Variants in XPO6 observed in about 807,000 individuals in gnomAD.
XPO6 encodes the protein exportin 6.
In XPO6, 3 loss-of-function variants were observed where a neutral mutation model predicts 130.0. That is an observed-to-expected ratio of 0.02 (90% CI 0.01 to 0.06). The LOEUF is 0.06. Among genes scored for constraint, XPO6 ranks in the 10% least tolerant of loss-of-function variants. The pLI, the probability that XPO6 is intolerant of heterozygous loss-of-function variation, is 1.00. For missense variants in XPO6, 970 were observed against 1,393.0 expected (o/e 0.70, Z 4.83); for synonymous variants, 524 against 548.9 (o/e 0.95, Z 0.63).
intron 9 of XPO6, among the ~76,000 whole-genome samples, chr16:28,139,812 C>A (rs2042853062): frequency 6.6e-6 from 1 of 152,148 alleles, no homozygotes; most frequent in Non-Finnish European, 1.5e-5. Flanking sequence ...AATGTGTATG[C>A]AACTAACAGA....
rs540649535 is a variant in XPO6 at position 28,109,035 on chromosome 16, G to C, written c.2342-1358C>G. ...AAGCACATGGACTTCTACTCAGCTA[G>C]GAAACTGCACTCAGGGCAGCCACTT... On this transcript the variant is annotated intron_variant, in intron 17 of 23. Coordinates refer to ENST00000304658, the MANE Select transcript of XPO6 (RefSeq NM_015171.4). Among the ~76,000 whole-genome samples the C allele has an allele frequency of 2.9e-4, 44 of 152,282 alleles. No homozygotes were observed. The South Asian group carries it at 7.9e-3, about 27-fold the overall frequency.
At chr16:28,102,072 C>A in intron 21 of XPO6, 127 bp from the exon 22 acceptor site, 2 of 694,272 alleles carry the variant, frequency 2.9e-6, no homozygotes, top group Non-Finnish European at 4.8e-6. Flanking sequence ...CCCACCAGCT[C>A]AGACCTCTAC....
chr16:28,156,431 G>C lies in XPO6; in HGVS notation c.740C>G (p.Ser247Cys). The change falls in exon 7 of 24, where the codon TCC becomes TGC. Residue 247 changes from serine to cysteine, a missense_variant. By Grantham distance (112) the Ser-to-Cys change is moderately radical. Coordinates refer to ENST00000304658, the MANE Select transcript of XPO6 (RefSeq NM_015171.4). Reference sequence around the variant, plus strand: ...ATGGGCCAGGCACTCCAAAGCCAGGGAACAGATATACTCACTCTCCACATC... The same window carrying C: ...ATGGGCCAGGCACTCCAAAGCCAGGCAACAGATATACTCACTCTCCACATC... ...ILDVESEYIC[S>C]LALECLAHLF... The C allele has an allele frequency of 6.2e-7, 1 of 1,613,958 alleles. No homozygotes were observed. The highest frequency in any genetic ancestry group is 1.3e-5 in the African/African-American group (1 of 74,970).
chr16:28,105,732 CAT>C (rs1438790327), intron 20 of XPO6: 9 of 285,874 alleles, frequency 3.1e-5, no homozygotes, highest in Non-Finnish European at 6.0e-5. Context: ...TAGGAAAGTA[CAT>C]ATGTTAGAAT....
chr16:28,133,231 G>A (rs746470186), intron 11 of XPO6, among the ~76,000 whole-genome samples: 1 of 152,142 alleles, frequency 6.6e-6, no homozygotes, highest in Non-Finnish European at 1.5e-5. Flanking sequence ...CACTTACTCG[G>A]GAGGCTGAGG....
chr16:28,110,029 T>C (rs942671386), intron 17 of XPO6, among the ~76,000 whole-genome samples: 3 of 151,830 alleles, frequency 2.0e-5, no homozygotes, highest in Non-Finnish European at 4.4e-5. Context: ...TTCCTTTGGC[T>C]AGTCTGTAGG....
At chr16:28,211,209 CG>C (rs1407945820) in intron 1 of XPO6, among the ~76,000 whole-genome samples, 156 bp downstream of exon 1, 1 of 152,168 alleles carries the variant, frequency 6.6e-6, no homozygotes, top group Non-Finnish European at 1.5e-5. Context: ...AGCGCAGGGC[CG>C]GGGCTGCACA....
intron 5 of XPO6, chr16:28,166,945 C>T: frequency 1.6e-6 from 1 of 639,238 alleles, no homozygotes; most frequent in Non-Finnish European, 1.9e-6. Flanking sequence ...GGTAGCACCA[C>T]TCTTTCCTGG....
chr16:28,109,633 G>A (rs1370733254), intron 17 of XPO6, among the ~76,000 whole-genome samples: 1 of 152,154 alleles, frequency 6.6e-6, no homozygotes, highest in Non-Finnish European at 1.5e-5. Flanking sequence ...AACAGGCCTG[G>A]ACGCTTCAAA....
At chr16:28,105,164 A>T (rs2086746061) in intron 20 of XPO6, among the ~76,000 whole-genome samples, 1 of 152,220 alleles carries the variant, frequency 6.6e-6, no homozygotes, top group South Asian at 2.1e-4. Context: ...ACAACCACGG[A>T]GGCTAAAGAC....
chr16:28,200,348 G>T (rs2043935827), intron 1 of XPO6, among the ~76,000 whole-genome samples: 1 of 152,160 alleles, frequency 6.6e-6, no homozygotes, highest in South Asian at 2.1e-4. Context: ...TAATGGAAAT[G>T]AACCTATTGC....
chr16:28,138,488 T>C (rs2042824598), intron 9 of XPO6, among the ~76,000 whole-genome samples: 1 of 151,894 alleles, frequency 6.6e-6, no homozygotes, highest in Non-Finnish European at 1.5e-5. Context: ...GCTTAGAAAA[T>C]TAAGTCCAAG....
At chr16:28,211,115 G>A (rs1397580761) in intron 1 of XPO6, among the ~76,000 whole-genome samples, 1 of 152,212 alleles carries the variant, frequency 6.6e-6, no homozygotes, top group Non-Finnish European at 1.5e-5. Context: ...GGAGCTGCAG[G>A]AGGCAAACAC....
At position 28,176,065 on chromosome 16, in the gene XPO6, G is replaced by C. The variant is rs1377750154; in HGVS notation, c.238C>G (p.Pro80Ala). Residue 80 changes from proline to alanine, a missense_variant, in exon 4 of 24, where the codon CCA becomes GCA. By Grantham distance (27) the Pro-to-Ala change is conservative. This residue lies in a region of XPO6 where 936 missense variants were observed against 1,306.8 expected (regional missense o/e 0.72). Transcript: ENST00000304658. ...NLINKMWLGV[P>A]SQDKMEIRSC... ...CGGATTTCCATCTTATCCTGAGATG[G>C]GACCCCAAGCCACATTTTATTGATC... 1 of 1,614,100 alleles carries C rather than the reference G, an allele frequency of 6.2e-7. No homozygotes were observed. Among genetic ancestry groups the C allele is most frequent in the East Asian group, 2.2e-5 (1 of 44,874 alleles).
At chr16:28,195,682 G>A (rs957013005) in intron 1 of XPO6, among the ~76,000 whole-genome samples, 1 of 152,194 alleles carries the variant, frequency 6.6e-6, no homozygotes, top group African/African-American at 2.4e-5. Context: ...GAATCCAGGA[G>A]GCGGAGGTTG....
intron 1 of XPO6, among the ~76,000 whole-genome samples, chr16:28,209,391 G>A (rs1753922814): frequency 1.3e-5 from 2 of 152,264 alleles, no homozygotes; most frequent in South Asian, 4.1e-4. Context: ...TGTAATCTCA[G>A]CACTTTGGGA....
chr16:28,143,598 AT>A (rs1214904784), intron 9 of XPO6, among the ~76,000 whole-genome samples: 4 of 152,138 alleles, frequency 2.6e-5, no homozygotes, highest in African/African-American at 9.7e-5. Flanking sequence ...GCTAGTATAT[AT>A]TTTCTCAACA....
intron 1 of XPO6, among the ~76,000 whole-genome samples, chr16:28,183,654 C>T (rs1315192370): frequency 6.6e-6 from 1 of 152,084 alleles, no homozygotes; most frequent in African/African-American, 2.4e-5. Context: ...GCTACATAAA[C>T]CATAAGGAAT....
At chr16:28,200,444 C>A (rs1275449758) in intron 1 of XPO6, among the ~76,000 whole-genome samples, 5 of 152,088 alleles carry the variant, frequency 3.3e-5, no homozygotes, top group Admixed American at 3.3e-4. Flanking sequence ...GTAATATGGA[C>A]CAGCTACCAC....
Sources: gnomAD v4.1 joint callset for allele counts (sites outside exome capture counted in the v4.1 genomes callset) on GRCh38, gnomAD v4.1.1 for gene constraint, gnomAD v4.1.1 regional missense constraint, MANE v1.5 for transcripts, NCBI Gene and HGNC (gene_info 2026-07-23, HGNC 2026-07-21) for gene names.